Variants in EDN1 observed in about 807,000 individuals in gnomAD.
EDN1 encodes endothelin-1.
A neutral mutation model predicts 21.7 loss-of-function variants in EDN1; 11 were observed. The observed-to-expected ratio is 0.51, with a 90% CI of 0.32 to 0.84. The LOEUF (loss-of-function observed/expected upper bound fraction) is 0.84. Ranked by LOEUF, EDN1 falls within the 40% of genes least tolerant of loss-of-function variation. EDN1 has a pLI of 0.03. For missense variants in EDN1, 244 were observed against 262.3 expected (o/e 0.93, Z 0.48); for synonymous variants, 85 against 90.6 (o/e 0.94, Z 0.35).
the EDN1 span, among the ~76,000 whole-genome samples, chr6:12,279,558 G>A: frequency 2.0e-5 from 3 of 152,208 alleles, no homozygotes; most frequent in African/African-American, 4.8e-5. Flanking sequence ...AGCGATCAGG[G>A]TTGGTTTAGG....
chr6:12,248,812 A>C, the EDN1 span, among the ~76,000 whole-genome samples: 1 of 152,190 alleles, frequency 6.6e-6, no homozygotes, highest in African/African-American at 2.4e-5. Context: ...TTCTTACACC[A>C]CCACTGTTGC....
At chr6:12,244,606 G>GA in the EDN1 span, among the ~76,000 whole-genome samples, 2 of 152,124 alleles carry the variant, frequency 1.3e-5, no homozygotes, top group Non-Finnish European at 1.5e-5. Context: ...GTCTTTTAGG[G>GA]AAAAAATGCT....
chr6:12,287,660 C>A (rs1163711416), upstream of EDN1, among the ~76,000 whole-genome samples: 5 of 151,002 alleles, frequency 3.3e-5, no homozygotes, highest in Non-Finnish European at 7.4e-5. Flanking sequence ...CTCTCTCTCT[C>A]TTCTCTTCTC....
At chr6:12,237,198 G>T in the EDN1 span, among the ~76,000 whole-genome samples, 3 of 152,062 alleles carry the variant, frequency 2.0e-5, no homozygotes, top group Admixed American at 1.3e-4. Flanking sequence ...TGGTGTATAT[G>T]TGCCATATTT....
At chr6:12,289,687 G>A (rs950412539), upstream of EDN1, among the ~76,000 whole-genome samples, 3 of 152,192 alleles carry the variant, frequency 2.0e-5, no homozygotes, top group Admixed American at 1.3e-4. Context: ...CAGTGATAGG[G>A]AAAAGACTGG....
chr6:12,259,031 G>A, the EDN1 span, among the ~76,000 whole-genome samples: 18 of 152,022 alleles, frequency 1.2e-4, no homozygotes, highest in African/African-American at 4.1e-4. Flanking sequence ...GATAAATTTT[G>A]GGTTAATTAT....
At chr6:12,258,470 A>AAAAAAAAAAAAG in the EDN1 span, among the ~76,000 whole-genome samples, 1 of 151,078 alleles carries the variant, frequency 6.6e-6, no homozygotes, top group African/African-American at 2.4e-5. Flanking sequence ...AAAAAAAAAA[A>AAAAAAAAAAAAG]AGCCAATTAC....
the EDN1 span, among the ~76,000 whole-genome samples, chr6:12,240,062 T>G: frequency 6.6e-6 from 1 of 152,174 alleles, no homozygotes; most frequent in Non-Finnish European, 1.5e-5. Context: ...ACATCATCAT[T>G]CTGATTGCTT....
At chr6:12,240,283 A>C in the EDN1 span, among the ~76,000 whole-genome samples, 1 of 152,206 alleles carries the variant, frequency 6.6e-6, no homozygotes, top group East Asian at 1.9e-4. Flanking sequence ...AACATTTCCT[A>C]AAGGGAGAGA....
At chr6:12,235,409 T>G in the EDN1 span, among the ~76,000 whole-genome samples, 1 of 152,238 alleles carries the variant, frequency 6.6e-6, no homozygotes, top group East Asian at 1.9e-4. Context: ...TATATGCTTC[T>G]CTGTTTTTCC....
the EDN1 span, among the ~76,000 whole-genome samples, chr6:12,246,411 C>A: frequency 2.6e-5 from 4 of 152,278 alleles, no homozygotes; most frequent in East Asian, 7.7e-4. Context: ...AACCATTTTC[C>A]CAGACAGCAA....
At chr6:12,291,781 C>T (rs897002954) in intron 1 of EDN1, among the ~76,000 whole-genome samples, 1 of 152,216 alleles carries the variant, frequency 6.6e-6, no homozygotes, top group Non-Finnish European at 1.5e-5. Flanking sequence ...TAATTTCTCT[C>T]TCCAATCATT....
At chr6:12,289,631 G>T (rs1234132561), upstream of EDN1, among the ~76,000 whole-genome samples, 1 of 152,126 alleles carries the variant, frequency 6.6e-6, no homozygotes, top group African/African-American at 2.4e-5. Context: ...AGCCTCCTCC[G>T]CAGGGGAAGT....
the EDN1 span, among the ~76,000 whole-genome samples, chr6:12,232,794 C>T: frequency 1.3e-5 from 2 of 152,142 alleles, no homozygotes; most frequent in Non-Finnish European, 2.9e-5. Context: ...ATGCATATAC[C>T]TTTTGGTTAC....
At chr6:12,287,670 C>G (rs977029700), upstream of EDN1, among the ~76,000 whole-genome samples, 1 of 144,750 alleles carries the variant, frequency 6.9e-6, no homozygotes, top group African/African-American at 2.6e-5. Context: ...CTTCTCTTCT[C>G]CTATCTCTCT....
At chr6:12,256,558 T>A in the EDN1 span, among the ~76,000 whole-genome samples, 1 of 152,168 alleles carries the variant, frequency 6.6e-6, no homozygotes, top group African/African-American at 2.4e-5. Flanking sequence ...GGTGCATCCG[T>A]CTGTGACCCA....
chr6:12,275,936 G>A, the EDN1 span, among the ~76,000 whole-genome samples: 1 of 152,096 alleles, frequency 6.6e-6, no homozygotes, highest in South Asian at 2.1e-4. Context: ...GCCAAGGTGG[G>A]TGGATCACAA....
the EDN1 span, among the ~76,000 whole-genome samples, chr6:12,234,041 A>C: frequency 6.6e-6 from 1 of 152,210 alleles, no homozygotes; most frequent in South Asian, 2.1e-4. Flanking sequence ...CTTGGTCTTC[A>C]GTCAGAGAGG....
the EDN1 span, among the ~76,000 whole-genome samples, chr6:12,276,887 G>T: frequency 6.6e-6 from 1 of 152,342 alleles, no homozygotes; most frequent in East Asian, 1.9e-4. Context: ...AATAGAATTA[G>T]TTTTGCATTG....
Sources: gnomAD v4.1 joint callset for allele counts (sites outside exome capture counted in the v4.1 genomes callset) on GRCh38, gnomAD v4.1.1 for gene constraint, MANE v1.5 for transcripts, NCBI Gene and HGNC (gene_info 2026-07-23, HGNC 2026-07-21) for gene names.